The following PCTP variants were observed in gnomAD, a reference collection of about 807,000 sequenced individuals.
PCTP encodes START domain-containing protein 2.
A neutral mutation model predicts 31.0 loss-of-function variants in PCTP; 27 were observed. The ratio of observed to expected loss-of-function variants is 0.87; its 90% CI spans 0.64 to 1.20. The LOEUF (loss-of-function observed/expected upper bound fraction) is 1.20. Ranked by LOEUF, PCTP falls within the 50% of genes most tolerant of loss-of-function variation. The pLI is 0.00. For missense variants in PCTP, 287 were observed against 268.2 expected, an observed-to-expected ratio of 1.07 and a Z score of -0.49; for synonymous variants, 108 against 101.2, an observed-to-expected ratio of 1.07 and a Z score of -0.40.
At chr17:55,816,831 T>C (rs1912930845) in intron 3 of PCTP, among the ~76,000 whole-genome samples, 1 of 152,212 alleles carries the variant, frequency 6.6e-6, no homozygotes, top group South Asian at 2.1e-4. Context: ...TGTTATTCTT[T>C]CCAAAACATT....
intron 5 of PCTP, among the ~76,000 whole-genome samples, chr17:55,842,026 T>A (rs1905999396): frequency 6.6e-6 from 1 of 152,162 alleles, no homozygotes; most frequent in African/African-American, 2.4e-5. Flanking sequence ...TCAGAAAACA[T>A]TTACTGAATA....
chr17:55,782,735 G>A (rs1213867727), intron 2 of PCTP, among the ~76,000 whole-genome samples: 1 of 152,020 alleles, frequency 6.6e-6, no homozygotes, highest in Non-Finnish European at 1.5e-5. Context: ...AGAGTGCCCT[G>A]CTCCCTGATC....
At chr17:55,824,759 A>G (rs1391907732), downstream of PCTP, among the ~76,000 whole-genome samples, 1 of 152,182 alleles carries the variant, frequency 6.6e-6, no homozygotes, top group Non-Finnish European at 1.5e-5. Flanking sequence ...GTTCTCTGGG[A>G]CTAATTCAAA....
At chr17:55,824,840 G>A (rs563117413), downstream of PCTP, among the ~76,000 whole-genome samples, 11 of 152,192 alleles carry the variant, frequency 7.2e-5, no homozygotes, top group Non-Finnish European at 8.8e-5. Context: ...CCCAAAGCAC[G>A]GTATAGACTT....
intron 1 of PCTP, among the ~76,000 whole-genome samples, chr17:55,754,774 G>A (rs190487101): frequency 3.4e-4 from 51 of 152,190 alleles, no homozygotes; most frequent in Admixed American, 2.6e-3. Flanking sequence ...GTGCACCAAC[G>A]TACAAAAGAC....
chr17:55,842,510 T>C (rs186629312), intron 5 of PCTP, among the ~76,000 whole-genome samples: 1 of 152,226 alleles, frequency 6.6e-6, no homozygotes, highest in Non-Finnish European at 1.5e-5. Flanking sequence ...AGAGCCAGGC[T>C]TTAGTTTAAA....
intron 3 of PCTP, chr17:55,787,770 A>T (rs1486881948): frequency 6.6e-6 from 1 of 152,216 alleles, no homozygotes; most frequent in Non-Finnish European, 1.5e-5. Flanking sequence ...TCAGATATTT[A>T]AAGATAATTA....
chr17:55,758,832 C>G (rs1199406235), intron 1 of PCTP, among the ~76,000 whole-genome samples: 2 of 152,164 alleles, frequency 1.3e-5, no homozygotes, highest in African/African-American at 4.8e-5. Flanking sequence ...GAATGCTGGT[C>G]TCAAGGTTCA....
intron 3 of PCTP, among the ~76,000 whole-genome samples, chr17:55,812,585 T>A (rs1912788066): frequency 6.6e-6 from 1 of 152,314 alleles, no homozygotes; most frequent in African/African-American, 2.4e-5. Flanking sequence ...TTAATCAGAC[T>A]GTCAACATTT....
chr17:55,767,982 A>G (rs1910777119), intron 2 of PCTP, among the ~76,000 whole-genome samples: 1 of 151,680 alleles, frequency 6.6e-6, no homozygotes, highest in Non-Finnish European at 1.5e-5. Context: ...AGTCCCAACT[A>G]CTTAGGAGGC....
intron 1 of PCTP, among the ~76,000 whole-genome samples, chr17:55,764,073 C>T (rs1413395443): frequency 6.6e-6 from 1 of 152,198 alleles, no homozygotes; most frequent in African/African-American, 2.4e-5. Context: ...TTGAGAACTT[C>T]CTGTTCTCAT....
rs909856888 is a variant in PCTP, at chr17:55,767,603, T to C, written c.259+151T>C. ...CCTCAGCCTCCTGAGTAGCTGGGACTACAGGCGCCCGCCACCACACCTGGC... is the reference window on the plus strand; with the variant it reads ...CCTCAGCCTCCTGAGTAGCTGGGACCACAGGCGCCCGCCACCACACCTGGC... On this transcript the variant is annotated intron_variant, in intron 2 of 5. Transcript: ENST00000268896. 6 of 474,680 alleles carry C rather than the reference T, an allele frequency of 1.3e-5. 1 individual carries two copies. Among genetic ancestry groups the C allele is most frequent in the Non-Finnish European group, 2.3e-5 (6 of 264,282 alleles). The allele number at this position is 474,680 out of a possible 1,614,324, so 29.4% of individuals were successfully genotyped here. A position where few individuals can be genotyped will look rare whatever the true frequency, so the allele number is the denominator to read the frequency against.
intron 3 of PCTP, among the ~76,000 whole-genome samples, chr17:55,811,069 T>C (rs1313894422): frequency 6.6e-6 from 1 of 152,222 alleles, no homozygotes; most frequent in Non-Finnish European, 1.5e-5. Flanking sequence ...CTTCGATTTC[T>C]ACATTTTCTG....
At chr17:55,792,464 C>T (rs904887941) in intron 3 of PCTP, among the ~76,000 whole-genome samples, 4 of 152,016 alleles carry the variant, frequency 2.6e-5, no homozygotes, top group African/African-American at 9.6e-5. Context: ...AAATTCTCCA[C>T]AGAAAAATAA....
intron 3 of PCTP, among the ~76,000 whole-genome samples, chr17:55,808,155 A>G (rs8070672): frequency 0.16 from 24,450 of 152,148 alleles, 4,712 homozygotes; most frequent in African/African-American, 0.46. Flanking sequence ...GTCAAAGGTC[A>G]CATAGCTTAT....
At chr17:55,762,757 T>C (rs1418754104) in intron 1 of PCTP, among the ~76,000 whole-genome samples, 6 of 152,180 alleles carry the variant, frequency 3.9e-5, no homozygotes, top group Admixed American at 2.0e-4. Flanking sequence ...CCAACCATCA[T>C]GTCCACATTT....
intron 3 of PCTP, among the ~76,000 whole-genome samples, chr17:55,807,017 G>T (rs893093603): frequency 2.6e-5 from 4 of 152,256 alleles, no homozygotes; most frequent in Non-Finnish European, 4.4e-5. Flanking sequence ...TTATATAGAT[G>T]TATAGAAAAA....
At chr17:55,751,537 G>A in intron 1 of PCTP, 2 of 1,417,312 alleles carry the variant, frequency 1.4e-6, no homozygotes, top group Non-Finnish European at 1.9e-6. Context: ...GGGTCAGCTG[G>A]TTCCTAGGCC....
chr17:55,757,439 G>A (rs1910096110), intron 1 of PCTP, among the ~76,000 whole-genome samples: 1 of 107,810 alleles, frequency 9.3e-6, no homozygotes, highest in Admixed American at 1.1e-4. Flanking sequence ...TGCAAATGAG[G>A]AAACTGAGAC....
Sources: allele counts gnomAD v4.1 joint callset (sites outside exome capture counted in the v4.1 genomes callset), GRCh38; gene constraint gnomAD v4.1.1; transcripts MANE v1.5; gene names NCBI Gene and HGNC (gene_info 2026-07-23, HGNC 2026-07-21).